VCPIP1: variants seen among roughly 807,000 people sequenced by gnomAD.
VCPIP1 encodes the protein deubiquitinating protein VCPIP1.
A neutral mutation model predicts 85.0 loss-of-function variants in VCPIP1; 8 were observed. The observed-to-expected ratio is 0.09, with a 90% confidence interval of 0.06 to 0.17. The LOEUF is 0.17. Among genes scored for constraint, VCPIP1 ranks in the 10% least tolerant of loss-of-function variants. VCPIP1 has a pLI of 1.00. For missense variants in VCPIP1, 1,070 were observed against 1,486.3 expected, an observed-to-expected ratio of 0.72 and a Z score of 4.61; for synonymous variants, 543 against 544.5, an observed-to-expected ratio of 1.00 and a Z score of 0.04.
rs1010553093 is a variant in VCPIP1 at position 66,634,527 on chromosome 8, T to C, written c.3643A>G (p.Thr1215Ala). The C allele has an allele frequency of 1.2e-6, 2 of 1,608,754 alleles. No individual in the cohort carries two copies. Among genetic ancestry groups the C allele is most frequent in the African/African-American group, 1.3e-5 (1 of 74,834 alleles). Residue 1215 changes from threonine to alanine, a missense_variant, in exon 3 of 3, where the codon ACA (threonine) becomes GCA (alanine). Physicochemically the swap from Thr to Ala is moderately conservative, Grantham distance 58. Coordinates refer to ENST00000310421, the MANE Select transcript of VCPIP1 (RefSeq NM_025054.5). ...CAAGAGTGATCCATTGGCTCAGTTG[T>C]GTTAGTCATCTCAGCATCTTGACTA... Reference protein sequence around the residue: ...MDSQDAEMTNTTEPMDHS With the variant: ...MDSQDAEMTNATEPMDHS
chr8:66,645,178 T>C (rs562337500), intron 2 of VCPIP1, among the ~76,000 whole-genome samples: 2 of 150,652 alleles, frequency 1.3e-5, no homozygotes, highest in African/African-American at 2.4e-5. Flanking sequence ...CCCAGCACTT[T>C]GGGAGACTGA....
rs1811166992 is a variant in VCPIP1 at position 66,662,461 on chromosome 8, CAG to C, written c.2710+1786_2710+1787del. Among the ~76,000 whole-genome samples the C allele has an allele frequency of 2.6e-5, 4 of 152,136 alleles. No homozygotes were observed. The South Asian group carries it at 8.3e-4, about 32-fold the overall frequency. ...TGACTGACCATCCATTCCATTTCTG[CAG>C]ATACAGCCTTTCTTTAGCTGTGTTA... On this transcript the variant is annotated intron_variant, in intron 1 of 2. Transcript: ENST00000310421.
At chr8:66,635,850 T>C (rs1253123299) in intron 2 of VCPIP1, among the ~76,000 whole-genome samples, 2 of 148,584 alleles carry the variant, frequency 1.3e-5, no homozygotes, top group African/African-American at 5.0e-5. Flanking sequence ...GAGGCAGAGG[T>C]TGCAGTGAGC....
At chr8:66,654,450 T>C (rs1039401694) in intron 1 of VCPIP1, among the ~76,000 whole-genome samples, 2 of 152,246 alleles carry the variant, frequency 1.3e-5, no homozygotes, top group African/African-American at 2.4e-5. Flanking sequence ...CACTCCAGCC[T>C]GGCTGACAGA....
At chr8:66,642,116 G>C (rs1295066744) in intron 2 of VCPIP1, among the ~76,000 whole-genome samples, 1 of 152,004 alleles carries the variant, frequency 6.6e-6, no homozygotes, top group Non-Finnish European at 1.5e-5. Flanking sequence ...GTGACTTTTG[G>C]ACCACAGCCA....
At chr8:66,643,747 C>A (rs1314536240) in intron 2 of VCPIP1, among the ~76,000 whole-genome samples, 2 of 151,248 alleles carry the variant, frequency 1.3e-5, no homozygotes, top group African/African-American at 4.9e-5. Context: ...CAAATTAAAC[C>A]TAAAGCAAGC....
Position 66,667,041 on chromosome 8 carries a change from T to C in VCPIP1, c.-83A>G. ...CCAGACCCCCACCAACCCGACTCGGTCCAGTCCAGGCCCAGGGCGAAGCAC... is the reference window on the plus strand; with the variant it reads ...CCAGACCCCCACCAACCCGACTCGGCCCAGTCCAGGCCCAGGGCGAAGCAC... On this transcript the variant is annotated 5_prime_UTR_variant, in exon 1 of 3. Coordinates refer to ENST00000310421, the MANE Select transcript of VCPIP1 (RefSeq NM_025054.5). 6.9e-7 allele frequency: 1 copy of C among 1,439,076 alleles called. No homozygotes were observed. The highest frequency in any genetic ancestry group is 2.5e-5 in the East Asian group (1 of 39,944). 89.1% of individuals were successfully genotyped at this position (1,439,076 alleles called of 1,614,324 possible). A position where few individuals can be genotyped will look rare whatever the true frequency, so the allele number is the denominator to read the frequency against.
Position 66,632,167 on chromosome 8 carries a change from G to A in VCPIP1, c.*2334C>T, listed in dbSNP as rs1372740650. ...GTACTAGAAAAATAACCATGCTATA[G>A]TCATGTATTTGGTTATGAAAACCAT... is the stretch of plus-strand genomic sequence containing the variant. On this transcript the variant is annotated 3_prime_UTR_variant, in exon 3 of 3. Coordinates refer to ENST00000310421, the MANE Select transcript of VCPIP1 (RefSeq NM_025054.5). 1.3e-5 allele frequency: 2 copies of A among 151,470 alleles called. No homozygotes were observed. Among genetic ancestry groups the A allele is most frequent in the Admixed American group, 6.6e-5 (1 of 15,204 alleles). 9.4% of individuals were successfully genotyped at this position (151,470 alleles called of 1,614,324 possible). A position where few individuals can be genotyped will look rare whatever the true frequency, so the allele number is the denominator to read the frequency against.
intron 2 of VCPIP1, among the ~76,000 whole-genome samples, chr8:66,645,802 G>A (rs2956250): frequency 0.23 from 33,848 of 150,342 alleles, 4,598 homozygotes; most frequent in South Asian, 0.33. Flanking sequence ...GTGGTGGTGC[G>A]CACCTGTAGT....
chr8:66,647,698 A>T (rs1183912908), intron 2 of VCPIP1, among the ~76,000 whole-genome samples: 1 of 152,136 alleles, frequency 6.6e-6, no homozygotes, highest in Non-Finnish European at 1.5e-5. Flanking sequence ...TTTTTGACAA[A>T]TATACCAAAA....
chr8:66,638,964 C>CTATATATATATATATA (rs765356671), intron 2 of VCPIP1, among the ~76,000 whole-genome samples: 1 of 132,634 alleles, frequency 7.5e-6, no homozygotes, highest in African/African-American at 3.4e-5. Flanking sequence ...CTCTCTCTCT[C>CTATATATATATATATA]TCTCTCTATA....
In VCPIP1 at chr8:66,666,825, A is replaced by C; in HGVS notation, c.134T>G (p.Leu45Arg). The C allele has an allele frequency of 1.2e-6, 2 of 1,613,936 alleles. No homozygotes were observed. The highest frequency in any genetic ancestry group is 1.7e-5 in the Admixed American group (1 of 60,026). The change falls in exon 1 of 3, where the codon CTT becomes CGT. Residue 45 changes from leucine (L) to arginine (R), a missense_variant. Transcript: ENST00000310421. The surrounding 1 kb of genome is among the most constrained non-coding windows in gnomAD (Gnocchi z 6.3). ...GLLKRRDRRI[L>R]SGSCPDPKCQ... Reference sequence around the variant, plus strand: ...CTTCGGATCCGGGCAGCTCCCGGAAAGGATTCTCCGGTCTCTCCGCTTCAA... The same window carrying C: ...CTTCGGATCCGGGCAGCTCCCGGAACGGATTCTCCGGTCTCTCCGCTTCAA...
chr8:66,651,847 A>G (rs1811056789), intron 1 of VCPIP1, among the ~76,000 whole-genome samples: 1 of 152,132 alleles, frequency 6.6e-6, no homozygotes, highest in Non-Finnish European at 1.5e-5. Context: ...GAATTCTCCC[A>G]ATTTTAAAAT....
At chr8:66,646,889 G>A (rs1046255268) in intron 2 of VCPIP1, among the ~76,000 whole-genome samples, 1 of 152,002 alleles carries the variant, frequency 6.6e-6, no homozygotes, top group African/African-American at 2.4e-5. Context: ...GCCGGGTGTG[G>A]TGGTGTGCAC....
At position 66,667,039 on chromosome 8, in the gene VCPIP1, G is replaced by A. The variant is rs1004729537; in HGVS notation, c.-81C>T. The A allele has an allele frequency of 1.4e-6, 2 of 1,438,680 alleles. No homozygotes were observed. The highest frequency in any genetic ancestry group is 1.8e-6 in the Non-Finnish European group (2 of 1,099,730). The allele number at this position is 1,438,680 out of a possible 1,614,324, so 89.1% of individuals were successfully genotyped here. A position where few individuals can be genotyped will look rare whatever the true frequency, so the allele number is the denominator to read the frequency against. ...GCCCAGACCCCCACCAACCCGACTC[G>A]GTCCAGTCCAGGCCCAGGGCGAAGC... On this transcript the variant is annotated 5_prime_UTR_variant, in exon 1 of 3. Transcript: ENST00000310421.
intron 1 of VCPIP1, among the ~76,000 whole-genome samples, chr8:66,654,963 A>G (rs539349670): frequency 6.6e-6 from 1 of 152,306 alleles, no homozygotes; most frequent in South Asian, 2.1e-4. Flanking sequence ...TATTTTTACA[A>G]TGTTATACCA....
chr8:66,641,320 C>G (rs1342107549), intron 2 of VCPIP1, among the ~76,000 whole-genome samples: 6 of 152,114 alleles, frequency 3.9e-5, no homozygotes, highest in Non-Finnish European at 5.9e-5. Flanking sequence ...ATATAGTTCA[C>G]ATACAATTCA....
rs1164045127 is a variant in VCPIP1 at position 66,665,367 on chromosome 8, C to A, written c.1592G>T (p.Gly531Val). The A allele has an allele frequency of 6.2e-7, 1 of 1,614,150 alleles. No homozygotes were observed. Among genetic ancestry groups the A allele is most frequent in the South Asian group, 1.1e-5 (1 of 91,076 alleles). The change falls in exon 1 of 3, where the codon GGA (glycine) becomes GTA (valine). Residue 531 changes from glycine (G) to valine (V), a missense_variant. Around this residue, in one of 8 missense-constraint regions of VCPIP1, gnomAD observed 123 missense variants for 156.3 expected, o/e 0.79. Transcript: ENST00000310421. This position sits in a 1 kb window ranked among gnomAD's most constrained non-coding sequence, Gnocchi z 4.3. ...SVKDVLVPDY[G>V]MSNLTACNWC... ...ATTACAAGCTGTTAGGTTACTCATT[C>A]CATAGTCTGGTACCAGAACATCTTT...
chr8:66,658,693 T>C (rs796481485), intron 1 of VCPIP1, among the ~76,000 whole-genome samples: 123 of 152,170 alleles, frequency 8.1e-4, no homozygotes, highest in African/African-American at 2.8e-3. Context: ...TTCACCATCT[T>C]GGCCAGCCTG....
Sources: allele counts gnomAD v4.1 joint callset (sites outside exome capture counted in the v4.1 genomes callset), GRCh38; gene constraint gnomAD v4.1.1; regional missense constraint gnomAD v4.1.1; non-coding constraint Gnocchi (gnomAD v3.1); transcripts MANE v1.5; gene names NCBI Gene and HGNC (gene_info 2026-07-23, HGNC 2026-07-21).